LRP1B: variants seen among roughly 807,000 people sequenced by gnomAD.
LRP1B encodes the protein low-density lipoprotein receptor-related protein 1B.
LRP1B carries 217 observed loss-of-function variants against 556.6 expected under a neutral mutation model. The ratio of observed to expected loss-of-function variants is 0.39; its 90% CI spans 0.35 to 0.44. The LOEUF (loss-of-function observed/expected upper bound fraction) is 0.44. LRP1B is among the 20% of genes least tolerant of loss of function. LRP1B has a pLI of 1.00. For synonymous variants in LRP1B, 2,047 were observed against 1,865.8 expected (o/e 1.10, Z -2.50); for missense variants, 5,053 against 5,620.8 (o/e 0.90, Z 3.23).
chr2:141,345,631 G>A (rs1000527332), intron 3 of LRP1B, among the ~76,000 whole-genome samples: 8 of 150,394 alleles, frequency 5.3e-5, no homozygotes, highest in Middle Eastern at 3.5e-3. Flanking sequence ...CTAGGACTAC[G>A]AGTGTGTGCC....
At chr2:140,834,486 C>T (rs1691831498) in intron 31 of LRP1B, among the ~76,000 whole-genome samples, 1 of 152,220 alleles carries the variant, frequency 6.6e-6, no homozygotes, top group Non-Finnish European at 1.5e-5. Context: ...GATCTGCACA[C>T]CTTGGCCTCC....
At chr2:141,286,066 C>CA (rs200182512) in intron 3 of LRP1B, among the ~76,000 whole-genome samples, 36,251 of 94,572 alleles carry the variant, frequency 0.38, 6,996 homozygotes, top group Middle Eastern at 0.49. Flanking sequence ...GACTCCGTCT[C>CA]AAAAAAAAAA....
intron 2 of LRP1B, among the ~76,000 whole-genome samples, chr2:141,543,383 T>G (rs1482203448): frequency 6.6e-6 from 1 of 150,996 alleles, no homozygotes; most frequent in African/African-American, 2.4e-5. Flanking sequence ...GGCATGACAG[T>G]ATGCACCTGT....
chr2:140,242,216 TC>T (rs2104889858), intron 87 of LRP1B, among the ~76,000 whole-genome samples: 1 of 151,256 alleles, frequency 6.6e-6, no homozygotes, highest in East Asian at 2.0e-4. Flanking sequence ...ATGGGTATCA[TC>T]ATTAATAGTT....
chr2:140,532,467 A>G (rs6735284), intron 47 of LRP1B, among the ~76,000 whole-genome samples: 75,330 of 151,452 alleles, frequency 0.5, 19,061 homozygotes, highest in East Asian at 0.62. Context: ...TGTGATCTCA[A>G]CTCACTGCAA....
At chr2:141,205,739 C>G (rs1428758559) in intron 6 of LRP1B, among the ~76,000 whole-genome samples, 1 of 151,978 alleles carries the variant, frequency 6.6e-6, no homozygotes, top group East Asian at 1.9e-4. Flanking sequence ...CCTTATTTTT[C>G]AAATGTCTTT....
In LRP1B at chr2:141,002,610, C is replaced by T. The variant is rs926244915; in HGVS notation, c.2503+2725G>A. Among the ~76,000 whole-genome samples the T allele has an allele frequency of 7.2e-5, 11 of 152,088 alleles. 2 individuals carry two copies. The highest frequency in any genetic ancestry group is 3.9e-4 in the Admixed American group (6 of 15,254). On this transcript the variant is annotated intron_variant, in intron 15 of 90. Coordinates refer to ENST00000389484, the MANE Select transcript of LRP1B (RefSeq NM_018557.3). ...AGGCAAATACTATGTAAATAGTTTC[C>T]ATACTATATTGCTTAGGAAATAATT... is the stretch of plus-strand genomic sequence containing the variant.
At chr2:140,412,515 G>A (rs1685006457) in intron 66 of LRP1B, among the ~76,000 whole-genome samples, 1 of 151,976 alleles carries the variant, frequency 6.6e-6, no homozygotes, top group South Asian at 2.1e-4. Flanking sequence ...TTCTAAGTAA[G>A]CGTGAGTGCT....
At chr2:142,096,883 C>T (rs1273546994) in intron 1 of LRP1B, among the ~76,000 whole-genome samples, 1 of 151,474 alleles carries the variant, frequency 6.6e-6, no homozygotes, top group Non-Finnish European at 1.5e-5. Flanking sequence ...CCTTTCTCCC[C>T]TCTAGAAGTC....
At chr2:141,161,267 A>C (rs1195140514) in intron 7 of LRP1B, among the ~76,000 whole-genome samples, 1 of 152,140 alleles carries the variant, frequency 6.6e-6, no homozygotes, top group Non-Finnish European at 1.5e-5. Flanking sequence ...CATAGTATAC[A>C]GAAGGCTCAT....
rs571381591 is a variant in LRP1B, at chr2:140,581,780, T to C, written c.7194+16851A>G. 1.6e-4 allele frequency among the ~76,000 whole-genome samples: 24 copies of C among 152,234 alleles called. No individual in the cohort carries two copies. The South Asian group carries it at 2.5e-3, about 16-fold the overall frequency. On this transcript the variant is annotated intron_variant, in intron 43 of 90. Coordinates refer to ENST00000389484, the MANE Select transcript of LRP1B (RefSeq NM_018557.3). ...GTTCTCTTTTTCTCTCCCCCTCTTC[T>C]CTCTGTATTTTTCTCTCTCTTTCAT...
intron 2 of LRP1B, among the ~76,000 whole-genome samples, chr2:141,697,934 G>T (rs1283557791): frequency 6.6e-6 from 1 of 151,858 alleles, no homozygotes; most frequent in East Asian, 1.9e-4. Flanking sequence ...TTAGCTTACG[G>T]TGCTTCTACC....
intron 3 of LRP1B, among the ~76,000 whole-genome samples, chr2:141,473,595 CAG>C (rs1682562233): frequency 6.6e-6 from 1 of 152,112 alleles, no homozygotes; most frequent in African/African-American, 2.4e-5. Flanking sequence ...CAGCTCAACA[CAG>C]AGAAAATACA....
intron 2 of LRP1B, among the ~76,000 whole-genome samples, chr2:141,630,006 CCA>C (rs1264103074): frequency 6.6e-6 from 1 of 151,986 alleles, no homozygotes; most frequent in African/African-American, 2.4e-5. Flanking sequence ...TCAAAAGCAC[CCA>C]CAAAAATAAA....
At chr2:142,127,400 A>ATCCATCCG (rs1707693524) in intron 1 of LRP1B, among the ~76,000 whole-genome samples, 1 of 151,658 alleles carries the variant, frequency 6.6e-6, no homozygotes, top group Non-Finnish European at 1.5e-5. Flanking sequence ...CCATCCATCC[A>ATCCATCCG]TCCATTCATC....
At chr2:141,863,097 T>C (rs1698304705) in intron 1 of LRP1B, among the ~76,000 whole-genome samples, 2 of 152,220 alleles carry the variant, frequency 1.3e-5, no homozygotes, top group Admixed American at 1.3e-4. Context: ...TATTGCCCAC[T>C]GGATGAAAAG....
intron 11 of LRP1B, among the ~76,000 whole-genome samples, chr2:141,028,531 ACAAGATT>A (rs1698279136): frequency 6.6e-6 from 1 of 152,080 alleles, no homozygotes; most frequent in African/African-American, 2.4e-5. Flanking sequence ...GTAAGGTTTT[ACAAGATT>A]CAACTGAAAA....
At chr2:141,294,753 A>AG (rs1686117867) in intron 3 of LRP1B, among the ~76,000 whole-genome samples, 1 of 151,062 alleles carries the variant, frequency 6.6e-6, no homozygotes. Context: ...AAAAAAAAAA[A>AG]TAGAAACCTA....
chr2:140,963,558 A>G (rs1402899576), intron 18 of LRP1B, among the ~76,000 whole-genome samples: 1 of 152,204 alleles, frequency 6.6e-6, no homozygotes, highest in Admixed American at 6.5e-5. Context: ...TCAGCATCAT[A>G]AAGACAGTTA....
Sources: allele counts gnomAD v4.1 joint callset (sites outside exome capture counted in the v4.1 genomes callset), GRCh38; gene constraint gnomAD v4.1.1; transcripts MANE v1.5; gene names NCBI Gene and HGNC (gene_info 2026-07-23, HGNC 2026-07-21).